The following GNAI1 variants were observed in gnomAD, a reference collection of about 807,000 sequenced individuals.
The protein encoded by GNAI1 is guanine nucleotide-binding protein G(i) subunit alpha-1.
In GNAI1, 11 loss-of-function variants were observed where a neutral mutation model predicts 38.9. The observed-to-expected ratio is 0.28, with a 90% CI of 0.18 to 0.47. The LOEUF is 0.47. Among genes scored for constraint, GNAI1 ranks in the 20% least tolerant of loss-of-function variants. The pLI is 0.99. For synonymous variants in GNAI1, 166 were observed against 145.1 expected, an observed-to-expected ratio of 1.14 and a Z score of -1.04; for missense variants, 317 against 436.9, an observed-to-expected ratio of 0.73 and a Z score of 2.45.
At chr7:80,152,558 C>A (rs1304704060) in intron 1 of GNAI1, among the ~76,000 whole-genome samples, 1 of 103,016 alleles carries the variant, frequency 9.7e-6, no homozygotes, top group Non-Finnish European at 2.0e-5. Context: ...GGTCTCAATT[C>A]TTTTTTTTTT....
At chr7:80,207,902 A>C (rs1348763821) in intron 5 of GNAI1, among the ~76,000 whole-genome samples, 1 of 152,130 alleles carries the variant, frequency 6.6e-6, no homozygotes, top group African/African-American at 2.4e-5. Flanking sequence ...AAGAATCAGC[A>C]ACTGTGTTTT....
chr7:80,143,503 A>G (rs1378891244), intron 1 of GNAI1, among the ~76,000 whole-genome samples: 1 of 152,152 alleles, frequency 6.6e-6, no homozygotes, highest in Non-Finnish European at 1.5e-5. Context: ...CTATCTATGA[A>G]TTTAGTTTTC....
rs1216542304 is a variant in GNAI1 at position 80,220,469 on chromosome 7, T to G, written c.*2976T>G. On this transcript the variant is annotated 3_prime_UTR_variant, in exon 8 of 8. Transcript: ENST00000649796. ...ATTCTGATAGAGCTGCCAATCGCAT[T>G]TCTTACTTCTCCGTCTCTAGGCTTA... 1.3e-5 allele frequency among the ~76,000 whole-genome samples: 2 copies of G among 152,214 alleles called. No individual in the cohort carries two copies. Among genetic ancestry groups the G allele is most frequent in the Non-Finnish European group, 2.9e-5 (2 of 68,042 alleles).
At chr7:80,152,302 A>G (rs1233188028) in intron 1 of GNAI1, among the ~76,000 whole-genome samples, 1 of 152,178 alleles carries the variant, frequency 6.6e-6, no homozygotes, top group East Asian at 1.9e-4. Context: ...TTAGGGAGAA[A>G]GGGCCTGGTC....
intron 1 of GNAI1, among the ~76,000 whole-genome samples, chr7:80,176,707 CG>C (rs1280940639): frequency 6.6e-6 from 1 of 151,906 alleles, no homozygotes; most frequent in Non-Finnish European, 1.5e-5. Flanking sequence ...GAGGCCAAGG[CG>C]GGCAGATCAC....
intron 1 of GNAI1, among the ~76,000 whole-genome samples, chr7:80,138,429 A>G (rs984321992): frequency 1.3e-5 from 2 of 152,316 alleles, no homozygotes; most frequent in East Asian, 1.9e-4. Context: ...TTTTAGGTTT[A>G]GTTTTTATGC....
intron 1 of GNAI1, among the ~76,000 whole-genome samples, chr7:80,137,111 G>C (rs140230545): frequency 5.9e-5 from 9 of 152,014 alleles, no homozygotes; most frequent in African/African-American, 2.2e-4. Flanking sequence ...AAGTCCTCTG[G>C]GGGCAAAATA....
chr7:80,183,498 A>G (rs570931182), intron 1 of GNAI1, among the ~76,000 whole-genome samples: 1 of 152,332 alleles, frequency 6.6e-6, no homozygotes, highest in South Asian at 2.1e-4. Context: ...TGAGGACTTC[A>G]GCATAAGATA....
At chr7:80,166,213 C>T (rs1327593392) in intron 1 of GNAI1, among the ~76,000 whole-genome samples, 1 of 152,112 alleles carries the variant, frequency 6.6e-6, no homozygotes, top group Non-Finnish European at 1.5e-5. Flanking sequence ...AAGCAGTGAG[C>T]ATATAAGGAC....
chr7:80,206,034 AAAG>A (rs1286564912), intron 5 of GNAI1, among the ~76,000 whole-genome samples: 1 of 152,086 alleles, frequency 6.6e-6, no homozygotes, highest in East Asian at 1.9e-4. Flanking sequence ...TTCATCTCAT[AAAG>A]AAGTCTCACT....
At chr7:80,158,220 C>A (rs1400809365) in intron 1 of GNAI1, among the ~76,000 whole-genome samples, 1 of 152,074 alleles carries the variant, frequency 6.6e-6, no homozygotes, top group South Asian at 2.1e-4. Context: ...GATTTTTTCT[C>A]GTATAAAGTT....
chr7:80,180,419 G>C (rs548862274), intron 1 of GNAI1, among the ~76,000 whole-genome samples: 1 of 151,920 alleles, frequency 6.6e-6, no homozygotes, highest in African/African-American at 2.4e-5. Flanking sequence ...TTGCACTTGC[G>C]ATATGATTCT....
intron 1 of GNAI1, among the ~76,000 whole-genome samples, chr7:80,183,149 C>T (rs1788325036): frequency 1.3e-5 from 2 of 152,098 alleles, no homozygotes; most frequent in African/African-American, 4.8e-5. Flanking sequence ...ATATTATATA[C>T]ATTTCAAAGA....
intron 5 of GNAI1, among the ~76,000 whole-genome samples, chr7:80,207,010 A>G (rs17153567): frequency 0.064 from 9,705 of 152,074 alleles, 1,061 homozygotes; most frequent in African/African-American, 0.22. Flanking sequence ...TTTCTAACCA[A>G]TATTGTCTGA....
At chr7:80,177,177 C>A (rs1445884623) in intron 1 of GNAI1, among the ~76,000 whole-genome samples, 2 of 151,310 alleles carry the variant, frequency 1.3e-5, no homozygotes, top group East Asian at 4.0e-4. Context: ...ACTACAGGCA[C>A]CCACCACCAT....
intron 1 of GNAI1, among the ~76,000 whole-genome samples, chr7:80,169,950 C>T (rs1411815799): frequency 6.6e-6 from 1 of 152,178 alleles, no homozygotes; most frequent in Admixed American, 6.5e-5. Context: ...GATTCTTTCA[C>T]TGAGCATAAT....
At chr7:80,158,350 A>G (rs1787855148) in intron 1 of GNAI1, among the ~76,000 whole-genome samples, 1 of 152,152 alleles carries the variant, frequency 6.6e-6, no homozygotes, top group Admixed American at 6.5e-5. Flanking sequence ...ATACTTATGA[A>G]ATTCTTGTTT....
chr7:80,135,798 G>A, intron 1 of GNAI1: 1 of 985,760 alleles, frequency 1.0e-6, no homozygotes, highest in Admixed American at 6.1e-5. Flanking sequence ...TGGGGCTGAA[G>A]CGTCTTTCCT....
At chr7:80,139,686 C>CAA (rs1396590927) in intron 1 of GNAI1, among the ~76,000 whole-genome samples, 2 of 152,162 alleles carry the variant, frequency 1.3e-5, no homozygotes, top group East Asian at 3.8e-4. Context: ...GAGCAAATAA[C>CAA]TGTCCAGCCA....
Sources: gnomAD v4.1 joint callset for allele counts (sites outside exome capture counted in the v4.1 genomes callset) on GRCh38, gnomAD v4.1.1 for gene constraint, MANE v1.5 for transcripts, NCBI Gene and HGNC (gene_info 2026-07-23, HGNC 2026-07-21) for gene names.